RAB38: variants seen among roughly 807,000 people sequenced by gnomAD.
RAB38 encodes the protein RAB38, member RAS oncogene family.
RAB38 carries 15 observed loss-of-function variants against 18.4 expected under a neutral mutation model. That is an observed-to-expected ratio of 0.82 (90% CI 0.55 to 1.26). RAB38 has a LOEUF of 1.26. Ranked by LOEUF, RAB38 falls within the 50% of genes most tolerant of loss-of-function variation. RAB38 has a pLI of 0.00. For missense variants in RAB38, 294 were observed against 267.4 expected, an observed-to-expected ratio of 1.10 and a Z score of -0.69; for synonymous variants, 101 against 104.4, an observed-to-expected ratio of 0.97 and a Z score of 0.20.
At chr11:87,862,601 A>AC in the RAB38 span, among the ~76,000 whole-genome samples, 2 of 151,558 alleles carry the variant, frequency 1.3e-5, no homozygotes, top group Non-Finnish European at 2.9e-5. Context: ...TGTACAACAA[A>AC]CCCCCACAAC....
chr11:87,859,017 A>G, the RAB38 span, among the ~76,000 whole-genome samples: 1 of 151,812 alleles, frequency 6.6e-6, no homozygotes, highest in East Asian at 1.9e-4. Context: ...TATAAAGAAG[A>G]ACATAACAAA....
chr11:87,977,394 T>A, the RAB38 span, among the ~76,000 whole-genome samples: 1 of 43,938 alleles, frequency 2.3e-5, no homozygotes, highest in Non-Finnish European at 4.2e-5. Flanking sequence ...TATAATTATA[T>A]ATATAATTAT....
chr11:88,099,182 T>C, the RAB38 span, among the ~76,000 whole-genome samples: 1 of 151,912 alleles, frequency 6.6e-6, no homozygotes, highest in Non-Finnish European at 1.5e-5. Flanking sequence ...TGAAATAGAA[T>C]GAGGAATTTA....
chr11:87,820,930 A>G, the RAB38 span, among the ~76,000 whole-genome samples: 2 of 152,192 alleles, frequency 1.3e-5, no homozygotes, highest in Admixed American at 6.6e-5. Context: ...TTCTAAAGAA[A>G]TTATCTGAAA....
the RAB38 span, among the ~76,000 whole-genome samples, chr11:87,968,670 G>T: frequency 2.0e-5 from 3 of 152,124 alleles, no homozygotes; most frequent in Non-Finnish European, 2.9e-5. Flanking sequence ...GTCTAGCTAA[G>T]AAAAATAACC....
chr11:87,851,023 C>G, the RAB38 span, among the ~76,000 whole-genome samples: 622 of 152,312 alleles, frequency 4.1e-3, 1 homozygote, highest in African/African-American at 0.014. Context: ...TAGCTTCAAG[C>G]CTGGGGGCGG....
At chr11:88,100,272 AT>A in the RAB38 span, among the ~76,000 whole-genome samples, 1 of 151,962 alleles carries the variant, frequency 6.6e-6, no homozygotes, top group African/African-American at 2.4e-5. Context: ...ATACTGACAG[AT>A]GCCATAAATT....
chr11:88,125,921 T>G (rs554607470), intron 2 of RAB38, among the ~76,000 whole-genome samples: 4 of 152,178 alleles, frequency 2.6e-5, no homozygotes, highest in Middle Eastern at 3.2e-3. Context: ...TCCAGTTTCA[T>G]CTTTCTACAT....
chr11:88,127,476 A>T (rs1365960192), intron 2 of RAB38, among the ~76,000 whole-genome samples: 1 of 152,128 alleles, frequency 6.6e-6, no homozygotes. Flanking sequence ...ACAACTACTG[A>T]TCTGGAAATA....
At chr11:87,967,721 A>T in the RAB38 span, among the ~76,000 whole-genome samples, 2 of 152,230 alleles carry the variant, frequency 1.3e-5, no homozygotes, top group Non-Finnish European at 2.9e-5. Flanking sequence ...TCCAAAGAAG[A>T]AGTGACTGAT....
At chr11:87,958,196 G>T in the RAB38 span, among the ~76,000 whole-genome samples, 1 of 152,296 alleles carries the variant, frequency 6.6e-6, no homozygotes, top group South Asian at 2.1e-4. Context: ...GGGGTTCTAT[G>T]TTGTTAGATG....
the RAB38 span, among the ~76,000 whole-genome samples, chr11:88,099,328 G>A: frequency 6.7e-6 from 1 of 149,900 alleles, no homozygotes; most frequent in Non-Finnish European, 1.5e-5. Context: ...ATGCCCTAGA[G>A]CTCAAGGAAA....
chr11:88,037,145 C>T, the RAB38 span, among the ~76,000 whole-genome samples: 3 of 151,890 alleles, frequency 2.0e-5, no homozygotes, highest in South Asian at 2.1e-4. Flanking sequence ...TCATTTTATA[C>T]GTCAATCAGT....
chr11:87,812,168 A>T, the RAB38 span, among the ~76,000 whole-genome samples: 1 of 152,218 alleles, frequency 6.6e-6, no homozygotes, highest in African/African-American at 2.4e-5. Flanking sequence ...ACCTTGGGCA[A>T]ATAACTTCAT....
the RAB38 span, among the ~76,000 whole-genome samples, chr11:88,044,592 T>A: frequency 1.3e-5 from 2 of 152,156 alleles, no homozygotes; most frequent in African/African-American, 4.8e-5. Flanking sequence ...AATTTTTCCA[T>A]CCTACAAGAT....
the RAB38 span, among the ~76,000 whole-genome samples, chr11:87,977,816 A>C: frequency 9.2e-6 from 1 of 108,998 alleles, no homozygotes; most frequent in African/African-American, 3.6e-5. Context: ...TTATATATTA[A>C]ATATATGTTC....
At chr11:87,926,133 G>A in the RAB38 span, among the ~76,000 whole-genome samples, 1 of 151,502 alleles carries the variant, frequency 6.6e-6, no homozygotes, top group Admixed American at 6.6e-5. Context: ...TGGATAATGA[G>A]CAGAGAGGTC....
At chr11:87,907,867 A>G in the RAB38 span, among the ~76,000 whole-genome samples, 1 of 151,838 alleles carries the variant, frequency 6.6e-6, no homozygotes, top group South Asian at 2.1e-4. Context: ...TTTTACAGAG[A>G]GGGATAAATT....
At chr11:88,041,766 C>T in the RAB38 span, among the ~76,000 whole-genome samples, 8 of 152,150 alleles carry the variant, frequency 5.3e-5, no homozygotes, top group Admixed American at 3.9e-4. Context: ...AATATAAATA[C>T]ATTTTCTAAA....
Sources: gnomAD v4.1 joint callset for allele counts (sites outside exome capture counted in the v4.1 genomes callset) on GRCh38, gnomAD v4.1.1 for gene constraint, MANE v1.5 for transcripts, NCBI Gene and HGNC (gene_info 2026-07-23, HGNC 2026-07-21) for gene names.